The following OR51B5 variants were observed in gnomAD, a reference collection of about 807,000 sequenced individuals.
OR51B5 encodes the protein olfactory receptor 51B5.
For missense variants in OR51B5, 456 were observed against 374.6 expected, an observed-to-expected ratio of 1.22 and a Z score of -1.79; for synonymous variants, 186 against 144.8, an observed-to-expected ratio of 1.28 and a Z score of -2.04.
intron 1 of OR51B5, among the ~76,000 whole-genome samples, chr11:5,458,063 C>T (rs1850987617): frequency 6.6e-6 from 1 of 151,978 alleles, no homozygotes; most frequent in African/African-American, 2.4e-5. Context: ...ATGGTATTTC[C>T]TAGGTTTTAT....
At chr11:5,428,357 CATG>C (rs1321001995) in intron 1 of OR51B5, among the ~76,000 whole-genome samples, 6 of 152,058 alleles carry the variant, frequency 3.9e-5, no homozygotes, top group Admixed American at 1.3e-4. Flanking sequence ...TGTTCAGTAG[CATG>C]ATATCTAAAA....
intron 1 of OR51B5, among the ~76,000 whole-genome samples, chr11:5,407,107 G>A (rs1055616657): frequency 1.3e-5 from 2 of 152,036 alleles, no homozygotes; most frequent in Non-Finnish European, 2.9e-5. Context: ...TTTTTTAAGT[G>A]CATGGAGAAT....
chr11:5,454,353 CCT>C (rs1564818828), intron 1 of OR51B5: 2 of 1,613,984 alleles, frequency 1.2e-6, no homozygotes, highest in Admixed American at 3.3e-5. Flanking sequence ...TGTGCTCAAC[CCT>C]CTCATTTATA....
chr11:5,503,111 G>A (rs1424957846), intron 1 of OR51B5, among the ~76,000 whole-genome samples: 1 of 152,158 alleles, frequency 6.6e-6, no homozygotes, highest in Non-Finnish European at 1.5e-5. Flanking sequence ...TATTGGTAGT[G>A]CTATCTGTGT....
At chr11:5,426,357 A>C (rs548912378) in intron 1 of OR51B5, among the ~76,000 whole-genome samples, 15 of 152,314 alleles carry the variant, frequency 9.8e-5, no homozygotes, top group African/African-American at 3.6e-4. Flanking sequence ...AGTTTAATGG[A>C]AACAAAATTT....
chr11:5,462,848 C>T (rs1851079206), intron 1 of OR51B5, among the ~76,000 whole-genome samples: 2 of 152,206 alleles, frequency 1.3e-5, no homozygotes, highest in African/African-American at 4.8e-5. Flanking sequence ...AGAGCATTTG[C>T]TCGTAAATGC....
chr11:5,489,013 C>T (rs1156755610), intron 1 of OR51B5: 3 of 1,614,090 alleles, frequency 1.9e-6, no homozygotes, highest in African/African-American at 2.7e-5. Context: ...ATGCCTGGCC[C>T]AGATGTTTTG....
chr11:5,501,735 T>C (rs1208191422), intron 1 of OR51B5, among the ~76,000 whole-genome samples: 1 of 148,464 alleles, frequency 6.7e-6, no homozygotes, highest in African/African-American at 2.4e-5. Flanking sequence ...AATTTACCAT[T>C]GTGTGATATT....
intron 1 of OR51B5, among the ~76,000 whole-genome samples, chr11:5,452,566 T>C (rs566746939): frequency 8.2e-4 from 111 of 135,986 alleles, no homozygotes; most frequent in African/African-American, 2.8e-3. Flanking sequence ...TGTTTGAATA[T>C]ATTTGCACAA....
chr11:5,346,648 T>TAGCACTTGGAATTGC (rs1275525712), upstream of OR51B5, among the ~76,000 whole-genome samples: 3 of 152,328 alleles, frequency 2.0e-5, no homozygotes, highest in East Asian at 5.8e-4. Flanking sequence ...AGTTGGTTGG[T>TAGCACTTGGAATTGC]AGCACTTGGA....
upstream of OR51B5, among the ~76,000 whole-genome samples, chr11:5,347,790 G>C (rs1033564140): frequency 6.6e-6 from 1 of 152,072 alleles, no homozygotes; most frequent in Non-Finnish European, 1.5e-5. Context: ...GGGAAGAGAG[G>C]AGGGAGCAGA....
chr11:5,379,671 G>A (rs1222997452), intron 1 of OR51B5, among the ~76,000 whole-genome samples: 1 of 125,880 alleles, frequency 7.9e-6, no homozygotes, highest in Non-Finnish European at 1.7e-5. Context: ...CTCAAGGTTA[G>A]CTAAAGATAT....
intron 1 of OR51B5, among the ~76,000 whole-genome samples, chr11:5,414,762 C>A (rs1403313072): frequency 6.6e-6 from 1 of 152,176 alleles, no homozygotes; most frequent in Non-Finnish European, 1.5e-5. Context: ...CAGGAGCACC[C>A]AGATTCATAA....
upstream of OR51B5, chr11:5,346,210 G>A (rs566243978): frequency 3.6e-5 from 5 of 140,116 alleles, no homozygotes; most frequent in East Asian, 9.8e-4. Context: ...ATAATAACCT[G>A]CAACTTAAAG....
chr11:5,422,200 C>T, intron 1 of OR51B5: 2 of 1,601,078 alleles, frequency 1.2e-6, no homozygotes, highest in Non-Finnish European at 8.5e-7. Context: ...ATTCATCAGT[C>T]ATGTCCCAGG....
At chr11:5,348,936 G>A (rs772909660) in intron 1 of OR51B5, among the ~76,000 whole-genome samples, 1 of 152,044 alleles carries the variant, frequency 6.6e-6, no homozygotes. Flanking sequence ...AGAGTGTCAG[G>A]AAAAGTGAAG....
intron 1 of OR51B5, among the ~76,000 whole-genome samples, chr11:5,480,091 G>T (rs977774588): frequency 1.3e-5 from 2 of 152,010 alleles, no homozygotes; most frequent in Admixed American, 6.6e-5. Flanking sequence ...TTCCAAAATT[G>T]ACCACGTACT....
chr11:5,359,534 G>A (rs1397991247), intron 1 of OR51B5, among the ~76,000 whole-genome samples: 1 of 133,886 alleles, frequency 7.5e-6, no homozygotes, highest in African/African-American at 2.8e-5. Context: ...CTCATGGGTA[G>A]GAAGAATCAA....
chr11:5,472,769 C>G (rs1434003894), intron 1 of OR51B5, among the ~76,000 whole-genome samples: 3 of 152,182 alleles, frequency 2.0e-5, no homozygotes, highest in Admixed American at 2.0e-4. Context: ...CAGAGCTGAA[C>G]TGAATCCTAG....
Sources: gnomAD v4.1 joint callset for allele counts (sites outside exome capture counted in the v4.1 genomes callset) on GRCh38, gnomAD v4.1.1 for gene constraint, MANE v1.5 for transcripts, NCBI Gene and HGNC (gene_info 2026-07-23, HGNC 2026-07-21) for gene names.